Variants in SRPK2 observed in about 807,000 individuals in gnomAD.
SRPK2 encodes SFRS protein kinase 2.
A neutral mutation model predicts 90.8 loss-of-function variants in SRPK2; 21 were observed. The observed-to-expected ratio is 0.23, with a 90% confidence interval of 0.16 to 0.33. The LOEUF (loss-of-function observed/expected upper bound fraction) is 0.33. Among genes scored for constraint, SRPK2 ranks in the 10% least tolerant of loss-of-function variants. The pLI, the probability that SRPK2 is intolerant of heterozygous loss-of-function variation, is 1.00. For synonymous variants in SRPK2, 288 were observed against 311.1 expected (o/e 0.93, Z 0.78); for missense variants, 620 against 869.0 (o/e 0.71, Z 3.60).
At chr7:105,148,321 C>CCCT (rs1562987925) in intron 7 of SRPK2, among the ~76,000 whole-genome samples, 1 of 152,174 alleles carries the variant, frequency 6.6e-6, no homozygotes, top group Non-Finnish European at 1.5e-5. Flanking sequence ...GGTATCTAGA[C>CCCT]AACCCTACAG....
intron 3 of SRPK2, among the ~76,000 whole-genome samples, chr7:105,178,944 T>C (rs1362893828): frequency 6.6e-6 from 1 of 152,174 alleles, no homozygotes; most frequent in Non-Finnish European, 1.5e-5. Context: ...ACACTAATAA[T>C]AATAATACTA....
At chr7:105,203,007 G>A (rs1349506607) in intron 3 of SRPK2, among the ~76,000 whole-genome samples, 1 of 151,778 alleles carries the variant, frequency 6.6e-6, no homozygotes, top group Non-Finnish European at 1.5e-5. Flanking sequence ...TTATTTTTTG[G>A]AGGCAGGATC....
At chr7:105,190,991 T>C (rs1035745957) in intron 3 of SRPK2, among the ~76,000 whole-genome samples, 22 of 152,202 alleles carry the variant, frequency 1.4e-4, no homozygotes, top group African/African-American at 5.1e-4. Flanking sequence ...TAATATATGT[T>C]ACACTATTTT....
intron 2 of SRPK2, among the ~76,000 whole-genome samples, chr7:105,250,220 A>G (rs1802288960): frequency 6.6e-6 from 1 of 151,992 alleles, no homozygotes; most frequent in Non-Finnish European, 1.5e-5. Flanking sequence ...AATCCCTCCC[A>G]GCTACTCAGG....
chr7:105,312,373 G>A (rs1427079115), intron 2 of SRPK2, among the ~76,000 whole-genome samples: 1 of 150,290 alleles, frequency 6.7e-6, no homozygotes, highest in African/African-American at 2.5e-5. Context: ...CCAGGAGGCG[G>A]AGCTTGCGGT....
intron 3 of SRPK2, among the ~76,000 whole-genome samples, chr7:105,180,332 T>C (rs973049082): frequency 2.6e-5 from 4 of 152,196 alleles, no homozygotes; most frequent in African/African-American, 9.7e-5. Context: ...GGGAATGGAC[T>C]TCCTAGTCCA....
At chr7:105,221,318 G>A (rs1399850735) in intron 2 of SRPK2, among the ~76,000 whole-genome samples, 3 of 152,178 alleles carry the variant, frequency 2.0e-5, no homozygotes, top group Non-Finnish European at 4.4e-5. Context: ...TAAAAGTTGA[G>A]AGCTTGGTTT....
At chr7:105,259,649 C>T (rs1406050956) in intron 2 of SRPK2, among the ~76,000 whole-genome samples, 1 of 152,180 alleles carries the variant, frequency 6.6e-6, no homozygotes, top group Non-Finnish European at 1.5e-5. Flanking sequence ...TACAAGGCTA[C>T]AGTAACCAAA....
At position 105,208,474 on chromosome 7, in the gene SRPK2, T is replaced by C. The variant is rs547886223; in HGVS notation, c.72-4689A>G. 1.4e-4 allele frequency among the ~76,000 whole-genome samples: 22 copies of C among 152,346 alleles called. No individual in the cohort carries two copies. The South Asian group carries it at 2.5e-3, about 17-fold the overall frequency. Reference sequence around the variant, plus strand: ...AACAAAGAGAAATGAAGTACTGATATATGCTACAACATGGATGGATCCTCC... The same window carrying C: ...AACAAAGAGAAATGAAGTACTGATACATGCTACAACATGGATGGATCCTCC... On this transcript the variant is annotated intron_variant, in intron 2 of 15. Transcript: ENST00000393651.
chr7:105,219,618 C>G (rs1052319848), intron 2 of SRPK2, among the ~76,000 whole-genome samples: 2 of 152,166 alleles, frequency 1.3e-5, no homozygotes, highest in Non-Finnish European at 2.9e-5. Flanking sequence ...TTAGTCCCTA[C>G]GTACTTAGTA....
chr7:105,327,691 T>A (rs1813749407), intron 2 of SRPK2, among the ~76,000 whole-genome samples: 1 of 152,236 alleles, frequency 6.6e-6, no homozygotes, highest in Non-Finnish European at 1.5e-5. Flanking sequence ...GGCCTAGCAA[T>A]GCCCATTTAT....
chr7:105,272,285 G>A (rs996748539), intron 2 of SRPK2, among the ~76,000 whole-genome samples: 2 of 152,172 alleles, frequency 1.3e-5, no homozygotes, highest in African/African-American at 4.8e-5. Flanking sequence ...ATGCTTGACA[G>A]TACACTCAAC....
At chr7:105,166,252 T>C (rs1790044780) in intron 6 of SRPK2, among the ~76,000 whole-genome samples, 1 of 152,190 alleles carries the variant, frequency 6.6e-6, no homozygotes, top group Non-Finnish European at 1.5e-5. Flanking sequence ...CTAAAGTAAG[T>C]GAATACAGAC....
rs1453078946 is a variant in SRPK2, at chr7:105,263,741, C to T, written c.72-59956G>A. 2.0e-5 allele frequency among the ~76,000 whole-genome samples: 3 copies of T among 152,120 alleles called. No homozygotes were observed. The East Asian group carries it at 5.8e-4, about 29-fold the overall frequency. ...GCAAAGATTTCTTAGGCACAACACA[C>T]ACACACACAAAACAAACAAACAAAA... On this transcript the variant is annotated intron_variant, in intron 2 of 15. Transcript: ENST00000393651.
chr7:105,300,260 A>G (rs1810374727), intron 2 of SRPK2, among the ~76,000 whole-genome samples: 2 of 132,002 alleles, frequency 1.5e-5, no homozygotes, highest in Admixed American at 7.6e-5. Flanking sequence ...ATCTCAAAAA[A>G]AAAAAAAAAA....
intron 15 of SRPK2, among the ~76,000 whole-genome samples, chr7:105,120,896 G>A (rs144590668): frequency 1.3e-5 from 2 of 152,252 alleles, no homozygotes; most frequent in African/African-American, 4.8e-5. Flanking sequence ...TGAGGGTCTC[G>A]AGTCCATGAG....
At chr7:105,262,079 A>G (rs923690767) in intron 2 of SRPK2, among the ~76,000 whole-genome samples, 8 of 152,172 alleles carry the variant, frequency 5.3e-5, no homozygotes, top group African/African-American at 1.9e-4. Flanking sequence ...GACCTACCTG[A>G]TCAGATTTGT....
At chr7:105,391,363 G>A (rs1055252156), upstream of SRPK2, among the ~76,000 whole-genome samples, 5 of 152,012 alleles carry the variant, frequency 3.3e-5, no homozygotes, top group Admixed American at 2.0e-4. Flanking sequence ...GTGCTACCAC[G>A]CCTGGCTAAT....
At chr7:105,170,319 A>C (rs1165046512) in intron 3 of SRPK2, among the ~76,000 whole-genome samples, 2 of 152,134 alleles carry the variant, frequency 1.3e-5, no homozygotes, top group African/African-American at 4.8e-5. Flanking sequence ...ATGATGTCTT[A>C]ATTTACCCTC....
Sources: gnomAD v4.1 joint callset for allele counts (sites outside exome capture counted in the v4.1 genomes callset) on GRCh38, gnomAD v4.1.1 for gene constraint, MANE v1.5 for transcripts, NCBI Gene and HGNC (gene_info 2026-07-23, HGNC 2026-07-21) for gene names.